The following PTCH1 variants were observed in gnomAD, a reference collection of about 807,000 sequenced individuals.
PTCH1 encodes the protein patched 1.
A neutral mutation model predicts 144.6 loss-of-function variants in PTCH1; 14 were observed. The observed-to-expected ratio is 0.10, with a 90% CI of 0.06 to 0.15. The LOEUF (loss-of-function observed/expected upper bound fraction) is 0.15. Ranked by LOEUF, PTCH1 falls within the 10% of genes least tolerant of loss-of-function variation. PTCH1 has a pLI of 1.00. For synonymous variants in PTCH1, 833 were observed against 793.6 expected (o/e 1.05, Z -0.83); for missense variants, 1,623 against 1,948.3 (o/e 0.83, Z 3.14).
chr9:95,501,765 A>C (rs909946747), intron 2 of PTCH1, among the ~76,000 whole-genome samples: 1 of 152,170 alleles, frequency 6.6e-6, no homozygotes, highest in African/African-American at 2.4e-5. Context: ...ACTTGTTCTG[A>C]GGGAGGGCTG....
At chr9:95,461,784 G>A (rs2136684954) in intron 16 of PTCH1, 72 bp downstream of exon 16, 8 of 1,599,022 alleles carry the variant, frequency 5.0e-6, no homozygotes, top group East Asian at 2.3e-5. Context: ...GTCACACGCT[G>A]TCAAGCAGCC....
intron 16 of PTCH1, 45 bp from the exon 17 acceptor site, chr9:95,459,828 G>A (rs1411057862): frequency 3.8e-6 from 6 of 1,598,996 alleles, no homozygotes; most frequent in Non-Finnish European, 5.1e-6. Context: ...TGGGGTTGGG[G>A]GTAAACACAC....
chr9:95,443,234 T>C lies in PTCH1; in HGVS notation c.*3159A>G, dbSNP rs1474466687. 2 of 152,210 alleles carry C rather than the reference T, an allele frequency of 1.3e-5. No homozygotes were observed. The highest frequency in any genetic ancestry group is 2.9e-5 in the Non-Finnish European group (2 of 68,050). 9.4% of individuals were successfully genotyped at this position (152,210 alleles called of 1,614,324 possible). On this transcript the variant is annotated 3_prime_UTR_variant, in exon 24 of 24. Coordinates refer to ENST00000331920, the MANE Select transcript of PTCH1 (RefSeq NM_000264.5). The stretch of plus-strand genomic sequence containing the variant: ...CATCCATGTAACAGAGCTATGCTTA[T>C]ACCCACTATTTATACAAAACAAAAA...
chr9:95,469,098 C>A lies in PTCH1; in HGVS notation c.1903G>T (p.Asp635Tyr), dbSNP rs372555269. The change falls in exon 14 of 24, where the codon GAC becomes TAC. Residue 635 changes from aspartate (D) to tyrosine (Y), a missense_variant. Physicochemically the swap from Asp to Tyr is radical, Grantham distance 160 (BLOSUM62 -3). Transcript: ENST00000331920. ...GGTGGGGGGCTGTAGCGGGTATTGTCGTGTGTGTCGGTGTAGGCCTGAGGT... is the reference window on the plus strand; with the variant it reads ...GGTGGGGGGCTGTAGCGGGTATTGTAGTGTGTGTCGGTGTAGGCCTGAGGT... ...VEPQAYTDTHDNTRYSPPPPY... is the reference protein window; with the variant it reads ...VEPQAYTDTHYNTRYSPPPPY... The A allele has an allele frequency of 3.7e-6, 6 of 1,613,826 alleles. No homozygotes were observed. Among genetic ancestry groups the A allele is most frequent in the Middle Eastern group, 1.6e-4 (1 of 6,084 alleles).
upstream of PTCH1, among the ~76,000 whole-genome samples, chr9:95,510,896 G>C (rs1404529812): frequency 1.3e-5 from 2 of 150,700 alleles, no homozygotes; most frequent in Non-Finnish European, 3.0e-5. Flanking sequence ...CGCGCGGCCG[G>C]GGCAGAGTAG....
chr9:95,495,641 C>T (rs1220610391), intron 2 of PTCH1, among the ~76,000 whole-genome samples: 2 of 152,012 alleles, frequency 1.3e-5, no homozygotes, highest in Non-Finnish European at 2.9e-5. Flanking sequence ...ACCTCCAGAA[C>T]GGTTAGTTCC....
intron 2 of PTCH1, among the ~76,000 whole-genome samples, chr9:95,494,080 G>T (rs552946893): frequency 6.7e-6 from 1 of 149,914 alleles, no homozygotes; most frequent in African/African-American, 2.5e-5. Flanking sequence ...CCACGGAACC[G>T]CACGGGACCG....
At chr9:95,479,444 T>C (rs759987182) in intron 7 of PTCH1, among the ~76,000 whole-genome samples, 1 of 152,196 alleles carries the variant, frequency 6.6e-6, no homozygotes, top group Non-Finnish European at 1.5e-5. Context: ...AGCAGATAGC[T>C]TGAACAGATA....
intron 2 of PTCH1, 28 bp downstream of exon 2, chr9:95,506,379 G>A (rs958481449): frequency 1.1e-5 from 18 of 1,605,774 alleles, no homozygotes; most frequent in Non-Finnish European, 1.4e-5. Flanking sequence ...CGGGCCGGGG[G>A]CGCGGGCGCC....
intron 2 of PTCH1, among the ~76,000 whole-genome samples, chr9:95,492,268 G>A (rs747869761): frequency 1.3e-5 from 2 of 152,142 alleles, no homozygotes; most frequent in Non-Finnish European, 2.9e-5. Flanking sequence ...GTGCTGCTTG[G>A]GTACCCTGAA....
chr9:95,448,443 T>C (rs1472477032), intron 22 of PTCH1, among the ~76,000 whole-genome samples: 1 of 152,126 alleles, frequency 6.6e-6, no homozygotes, highest in African/African-American at 2.4e-5. Context: ...ACCCAGGTCC[T>C]TGGAGCCTCC....
rs1554689262 is a variant in PTCH1 at position 95,449,070 on chromosome 9, G to C, written c.3803C>G (p.Thr1268Ser). ...ATENPVFAHSTVVHPESRHHP... is the reference protein window; with the variant it reads ...ATENPVFAHSSVVHPESRHHP... ...CCCTGGTTCTGCAGAGTCACTTACA[G>C]TGGAGTGGGCGAAGACGGGGTTTTC... Residue 1268 changes from threonine (T) to serine (S), a missense_variant and splice_region_variant, in exon 22 of 24, where the codon ACT (threonine) becomes AGT (serine). By Grantham distance (58) the Thr-to-Ser change is moderately conservative. This residue lies in a region of PTCH1 where 291 missense variants were observed against 287.4 expected (regional missense o/e 1.01). Coordinates refer to ENST00000331920, the MANE Select transcript of PTCH1 (RefSeq NM_000264.5). The surrounding 1 kb of genome is among the most constrained non-coding windows in gnomAD (Gnocchi z 5.3). 6.2e-7 allele frequency: 1 copy of C among 1,614,236 alleles called. No individual in the cohort carries two copies. The highest frequency in any genetic ancestry group is 1.7e-5 in the Admixed American group (1 of 60,036).
intron 1 of PTCH1, chr9:95,506,829 C>T: frequency 1.7e-6 from 2 of 1,152,226 alleles, no homozygotes; most frequent in Non-Finnish European, 2.2e-6. Flanking sequence ...GACATCAGGG[C>T]GCCCCCACCC....
rs761501958 is a variant in PTCH1 at position 95,459,619 on chromosome 9, C to T, written c.2868G>A (p.Met956Ile). ...ACTTACTTCTCAGCCTTGTTTCAGG[C>T]ATGTAGTCGGCTTTGTCGTGGACCC... ...PEWVHDKADYMPETRLRIPAA... is the reference protein window; with the variant it reads ...PEWVHDKADYIPETRLRIPAA... Residue 956 changes from methionine (M) to isoleucine (I), a missense_variant, in exon 17 of 24, where the codon ATG becomes ATA. Coordinates refer to ENST00000331920, the MANE Select transcript of PTCH1 (RefSeq NM_000264.5). 4.3e-6 allele frequency: 7 copies of T among 1,613,954 alleles called. No individual in the cohort carries two copies. Among genetic ancestry groups the T allele is most frequent in the Middle Eastern group, 1.7e-4 (1 of 5,838 alleles).
intron 2 of PTCH1, among the ~76,000 whole-genome samples, chr9:95,492,158 C>T (rs1842450152): frequency 6.6e-6 from 1 of 152,206 alleles, no homozygotes; most frequent in Non-Finnish European, 1.5e-5. Flanking sequence ...AAAAATAAAA[C>T]ATGGTGTACA....
At chr9:95,450,810 A>G (rs996447260) in intron 20 of PTCH1, 3 of 152,278 alleles carry the variant, frequency 2.0e-5, no homozygotes, top group African/African-American at 7.2e-5. Context: ...CTTTCCCACC[A>G]TTGAGGGCTA....
intron 15 of PTCH1, among the ~76,000 whole-genome samples, chr9:95,463,007 C>T (rs1009258202): frequency 6.9e-5 from 10 of 145,084 alleles, no homozygotes; most frequent in African/African-American, 2.0e-4. Flanking sequence ...CCCACCCACC[C>T]TTGCCCCTCC....
intron 3 of PTCH1, 98 bp from the exon 4 acceptor site, chr9:95,482,301 G>A (rs149958303): frequency 7.4e-6 from 9 of 1,214,332 alleles, no homozygotes; most frequent in Admixed American, 5.9e-5. Flanking sequence ...CTGCAATTTC[G>A]ATCACTTTTA....
At chr9:95,502,098 C>T (rs1217925031) in intron 2 of PTCH1, among the ~76,000 whole-genome samples, 1 of 152,190 alleles carries the variant, frequency 6.6e-6, no homozygotes, top group Non-Finnish European at 1.5e-5. Flanking sequence ...CAAAGGGAGG[C>T]TGCCCTCCAG....
Sources: allele counts gnomAD v4.1 joint callset (sites outside exome capture counted in the v4.1 genomes callset), GRCh38; gene constraint gnomAD v4.1.1; regional missense constraint gnomAD v4.1.1; non-coding constraint Gnocchi (gnomAD v3.1); transcripts MANE v1.5; gene names NCBI Gene and HGNC (gene_info 2026-07-23, HGNC 2026-07-21).